RIMS2: variants seen among roughly 807,000 people sequenced by gnomAD.
The protein encoded by RIMS2 is regulating synaptic membrane exocytosis protein 2.
In RIMS2, 59 loss-of-function variants were observed where a neutral mutation model predicts 174.4. That is an observed-to-expected ratio of 0.34 (90% CI 0.27 to 0.42). The LOEUF (loss-of-function observed/expected upper bound fraction) is 0.42, where lower values mean the gene tolerates loss of function less well. Ranked by LOEUF, RIMS2 falls within the 10% of genes least tolerant of loss-of-function variation. RIMS2 has a pLI of 1.00. For synonymous variants in RIMS2, 606 were observed against 572.5 expected (o/e 1.06, Z -0.84); for missense variants, 1,620 against 1,666.3 (o/e 0.97, Z 0.48).
At chr8:103,958,196 T>G (rs776656772) in intron 14 of RIMS2, among the ~76,000 whole-genome samples, 33 of 152,184 alleles carry the variant, frequency 2.2e-4, no homozygotes, top group Admixed American at 2.6e-4. Context: ...ATGTGGTACA[T>G]ATACACCATA....
At chr8:103,896,328 G>A (rs2099277625) in intron 4 of RIMS2, among the ~76,000 whole-genome samples, 1 of 151,640 alleles carries the variant, frequency 6.6e-6, no homozygotes, top group African/African-American at 2.4e-5. Flanking sequence ...TCCTCACGCT[G>A]ATAGATTTAT....
intron 3 of RIMS2, among the ~76,000 whole-genome samples, chr8:103,868,147 AT>A (rs1404389078): frequency 6.6e-6 from 1 of 151,990 alleles, no homozygotes; most frequent in African/African-American, 2.4e-5. Context: ...GTAATTCTTA[AT>A]TTTTTTAGCA....
At chr8:103,789,570 AG>A (rs2098476923) in intron 3 of RIMS2, among the ~76,000 whole-genome samples, 2 of 152,134 alleles carry the variant, frequency 1.3e-5, no homozygotes, top group African/African-American at 2.4e-5. Flanking sequence ...CCAACATTCA[AG>A]GGGAGGGATG....
At chr8:104,137,419 T>C (rs1276230218) in intron 19 of RIMS2, among the ~76,000 whole-genome samples, 1 of 152,176 alleles carries the variant, frequency 6.6e-6, no homozygotes, top group African/African-American at 2.4e-5. Flanking sequence ...GTTACATTTG[T>C]TTTAAAGATT....
chr8:103,622,444 T>C (rs2095658665), intron 1 of RIMS2, among the ~76,000 whole-genome samples: 4 of 151,864 alleles, frequency 2.6e-5, no homozygotes, highest in African/African-American at 7.3e-5. Context: ...TCAATGAGAG[T>C]GTCAAGATTG....
intron 19 of RIMS2, chr8:104,223,698 T>C (rs1241010697): frequency 6.3e-7 from 1 of 1,592,710 alleles, no homozygotes; most frequent in Non-Finnish European, 8.5e-7. Flanking sequence ...GGGCGCTCCA[T>C]GCAGCGCTCC....
chr8:103,880,891 T>G (rs1594451660), intron 3 of RIMS2, among the ~76,000 whole-genome samples: 1 of 151,600 alleles, frequency 6.6e-6, no homozygotes, highest in South Asian at 2.1e-4. Flanking sequence ...AATTTTAGAA[T>G]TTGGTTGCAA....
At chr8:103,830,353 C>A (rs746778187) in intron 3 of RIMS2, among the ~76,000 whole-genome samples, 1 of 151,992 alleles carries the variant, frequency 6.6e-6, no homozygotes, top group Non-Finnish European at 1.5e-5. Flanking sequence ...AAAGTGTGGT[C>A]ATTTCTAAAC....
At chr8:103,695,450 G>A (rs1275890293) in intron 1 of RIMS2, among the ~76,000 whole-genome samples, 1 of 151,618 alleles carries the variant, frequency 6.6e-6, no homozygotes, top group Non-Finnish European at 1.5e-5. Context: ...ATTTTCTTAA[G>A]TTTTTGAGAC....
intron 3 of RIMS2, among the ~76,000 whole-genome samples, chr8:103,831,757 G>T (rs2098827439): frequency 6.6e-6 from 1 of 152,198 alleles, no homozygotes; most frequent in East Asian, 1.9e-4. Flanking sequence ...ATTAAGGAAA[G>T]TGAGGCTCAG....
chr8:104,067,036 G>T (rs2154561127), intron 19 of RIMS2, among the ~76,000 whole-genome samples: 1 of 152,054 alleles, frequency 6.6e-6, no homozygotes, highest in Non-Finnish European at 1.5e-5. Context: ...TAAAAATATT[G>T]GCTCAGAAGG....
chr8:103,534,428 C>G (rs982671542), intron 1 of RIMS2, among the ~76,000 whole-genome samples: 3 of 152,202 alleles, frequency 2.0e-5, no homozygotes, highest in Non-Finnish European at 2.9e-5. Context: ...TAATATCCAA[C>G]TTTCATCTGC....
intron 19 of RIMS2, among the ~76,000 whole-genome samples, chr8:104,113,521 TC>T (rs1396112995): frequency 1.3e-5 from 2 of 152,066 alleles, no homozygotes; most frequent in African/African-American, 4.8e-5. Context: ...TGAGCATATA[TC>T]TTACGCATTT....
chr8:103,522,175 T>C (rs567156564), intron 1 of RIMS2, among the ~76,000 whole-genome samples: 7 of 152,158 alleles, frequency 4.6e-5, no homozygotes, highest in Non-Finnish European at 8.8e-5. Flanking sequence ...TTGAATTTTG[T>C]TGGTCTTTAG....
chr8:103,816,781 G>A (rs898095067), intron 3 of RIMS2, among the ~76,000 whole-genome samples: 1 of 152,126 alleles, frequency 6.6e-6, no homozygotes. Flanking sequence ...GGCAGTTGAT[G>A]TATCGTTGAC....
intron 12 of RIMS2, among the ~76,000 whole-genome samples, chr8:103,932,894 T>C (rs945464518): frequency 1.3e-5 from 2 of 152,096 alleles, no homozygotes; most frequent in Non-Finnish European, 2.9e-5. Context: ...TGGTGGCTCA[T>C]GCCTGTAATC....
At chr8:103,991,156 A>T (rs1436796938) in intron 17 of RIMS2, among the ~76,000 whole-genome samples, 2 of 151,680 alleles carry the variant, frequency 1.3e-5, no homozygotes, top group African/African-American at 4.8e-5. Flanking sequence ...TATTTAAAAA[A>T]TTTATAAATC....
At chr8:104,148,763 G>A (rs752707177) in intron 19 of RIMS2, 1 of 1,598,436 alleles carries the variant, frequency 6.3e-7, no homozygotes, top group East Asian at 2.2e-5. Context: ...GTGGCAAAAA[G>A]CGGCGCTCTA....
At chr8:103,602,864 G>A (rs2094828250) in intron 1 of RIMS2, among the ~76,000 whole-genome samples, 1 of 152,060 alleles carries the variant, frequency 6.6e-6, no homozygotes, top group Non-Finnish European at 1.5e-5. Context: ...TCTGTTTTAT[G>A]TTATTTGTGT....
Sources: allele counts gnomAD v4.1 joint callset (sites outside exome capture counted in the v4.1 genomes callset), GRCh38; gene constraint gnomAD v4.1.1; transcripts MANE v1.5; gene names NCBI Gene and HGNC (gene_info 2026-07-23, HGNC 2026-07-21).